CSMD1: variants seen among roughly 807,000 people sequenced by gnomAD.
CSMD1 encodes CUB and Sushi multiple domains 1.
In CSMD1, 213 loss-of-function variants were observed where a neutral mutation model predicts 417.5. That is an observed-to-expected ratio of 0.51 (90% CI 0.46 to 0.57). CSMD1 has a LOEUF of 0.57. CSMD1 is among the 20% of genes least tolerant of loss of function. CSMD1 has a pLI of 0.00. For synonymous variants in CSMD1, 2,862 were observed against 1,736.8 expected (o/e 1.65, Z -16.11); for missense variants, 6,923 against 4,529.7 (o/e 1.53, Z -15.17).
At chr8:3,841,041 G>T (rs7003684) in intron 5 of CSMD1, among the ~76,000 whole-genome samples, 16,015 of 151,878 alleles carry the variant, frequency 0.11, 1,184 homozygotes, top group African/African-American at 0.21. Flanking sequence ...GAGTCTTAGG[G>T]CAAAATTCCA....
chr8:4,071,602 G>C (rs1799561791), intron 3 of CSMD1, among the ~76,000 whole-genome samples: 1 of 151,928 alleles, frequency 6.6e-6, no homozygotes. Context: ...TCTCAGTTTT[G>C]GGGGCCTTTT....
chr8:3,485,883 T>C (rs1477510281), intron 11 of CSMD1, among the ~76,000 whole-genome samples: 1 of 152,026 alleles, frequency 6.6e-6, no homozygotes, highest in Non-Finnish European at 1.5e-5. Context: ...GTGAATATCC[T>C]GGTTGTGACA....
At chr8:4,175,987 G>A (rs144193554) in intron 3 of CSMD1, among the ~76,000 whole-genome samples, 5 of 152,218 alleles carry the variant, frequency 3.3e-5, no homozygotes, top group African/African-American at 4.8e-5. Flanking sequence ...TGTATTCTCT[G>A]TCCTTGAGAG....
chr8:3,320,102 C>G (rs1304579056), intron 23 of CSMD1, among the ~76,000 whole-genome samples: 1 of 152,180 alleles, frequency 6.6e-6, no homozygotes, highest in Non-Finnish European at 1.5e-5. Flanking sequence ...AGAAGACATG[C>G]TCTGTGCCAC....
At chr8:3,479,210 T>A (rs905128783) in intron 11 of CSMD1, among the ~76,000 whole-genome samples, 2 of 152,198 alleles carry the variant, frequency 1.3e-5, no homozygotes, top group Non-Finnish European at 2.9e-5. Context: ...ATGCCAAGCC[T>A]AAACAAGGTA....
intron 5 of CSMD1, among the ~76,000 whole-genome samples, chr8:3,767,001 C>G (rs1798308223): frequency 6.6e-6 from 1 of 152,184 alleles, no homozygotes; most frequent in Non-Finnish European, 1.5e-5. Context: ...ACCAGCAGCC[C>G]TCAACATCTG....
At chr8:3,611,243 G>A (rs959808794) in intron 8 of CSMD1, among the ~76,000 whole-genome samples, 2 of 91,944 alleles carry the variant, frequency 2.2e-5, no homozygotes, top group Non-Finnish European at 5.6e-5. Flanking sequence ...TAATAATAAA[G>A]TTAAATTAAA....
intron 26 of CSMD1, among the ~76,000 whole-genome samples, chr8:3,262,448 T>C (rs1489147641): frequency 1.3e-5 from 2 of 150,912 alleles, no homozygotes; most frequent in Non-Finnish European, 2.9e-5. Context: ...GGAATAATAA[T>C]AAATACTAAA....
chr8:4,993,607 G>C (rs1811594818), intron 1 of CSMD1, among the ~76,000 whole-genome samples: 1 of 152,140 alleles, frequency 6.6e-6, no homozygotes, highest in Non-Finnish European at 1.5e-5. Flanking sequence ...CAGCGTAGAA[G>C]GAGGATACCC....
At chr8:4,330,092 G>A (rs1436677603) in intron 3 of CSMD1, among the ~76,000 whole-genome samples, 1 of 151,804 alleles carries the variant, frequency 6.6e-6, no homozygotes, top group Non-Finnish European at 1.5e-5. Flanking sequence ...AGCAATGCAA[G>A]AACAGTCCAA....
chr8:3,800,412 T>A (rs1023120039), intron 5 of CSMD1, among the ~76,000 whole-genome samples: 1 of 152,178 alleles, frequency 6.6e-6, no homozygotes, highest in Non-Finnish European at 1.5e-5. Context: ...TATTGACACC[T>A]GTGAAGTGCT....
At chr8:3,838,502 G>A (rs968856634) in intron 5 of CSMD1, among the ~76,000 whole-genome samples, 1 of 125,828 alleles carries the variant, frequency 7.9e-6, no homozygotes, top group Non-Finnish European at 1.7e-5. Context: ...TATAGCCTAG[G>A]CTATATATAA....
At chr8:4,251,217 T>C (rs557947665) in intron 3 of CSMD1, among the ~76,000 whole-genome samples, 62 of 152,256 alleles carry the variant, frequency 4.1e-4, no homozygotes, top group African/African-American at 1.5e-3. Context: ...ATAAAACCTA[T>C]AACAGCTAAC....
intron 11 of CSMD1, among the ~76,000 whole-genome samples, chr8:3,491,618 T>G (rs1818386658): frequency 6.6e-6 from 1 of 152,164 alleles, no homozygotes. Context: ...GAAGGAGTCG[T>G]GTCCCTGGTG....
At chr8:4,582,417 G>A (rs1799465949) in intron 2 of CSMD1, among the ~76,000 whole-genome samples, 1 of 152,186 alleles carries the variant, frequency 6.6e-6, no homozygotes, top group Non-Finnish European at 1.5e-5. Flanking sequence ...ACAACTTGAG[G>A]AGCCAGAATA....
At chr8:4,020,483 G>C (rs1796735610) in intron 4 of CSMD1, among the ~76,000 whole-genome samples, 3 of 152,146 alleles carry the variant, frequency 2.0e-5, no homozygotes, top group Non-Finnish European at 2.9e-5. Flanking sequence ...GCTAGGGTCA[G>C]GCTGCCTGGG....
intron 3 of CSMD1, among the ~76,000 whole-genome samples, chr8:4,345,411 C>T (rs79734967): frequency 2.0e-3 from 305 of 151,902 alleles, no homozygotes; most frequent in Non-Finnish European, 3.1e-3. Flanking sequence ...TACATGGATA[C>T]AATGTATAGT....
chr8:4,812,951 G>T (rs765439124), intron 1 of CSMD1, among the ~76,000 whole-genome samples: 1 of 152,130 alleles, frequency 6.6e-6, no homozygotes. Flanking sequence ...TGACAAAAAT[G>T]TAAGAATAAA....
intron 7 of CSMD1, among the ~76,000 whole-genome samples, chr8:3,650,259 C>A (rs1250452741): frequency 1.3e-5 from 2 of 149,720 alleles, no homozygotes; most frequent in Admixed American, 6.7e-5. Context: ...GCCTGGGTGA[C>A]AGAGCAAGAC....
Sources: gnomAD v4.1 joint callset for allele counts (sites outside exome capture counted in the v4.1 genomes callset) on GRCh38, gnomAD v4.1.1 for gene constraint, MANE v1.5 for transcripts, NCBI Gene and HGNC (gene_info 2026-07-23, HGNC 2026-07-21) for gene names.